The following NXN variants were observed in gnomAD, a reference collection of about 807,000 sequenced individuals.
The protein encoded by NXN is nucleoredoxin, also known as nucleoredoxin 1.
Under a neutral mutation model 48.6 loss-of-function variants are expected in NXN, and 16 were observed. The observed-to-expected ratio is 0.33, with a 90% CI of 0.22 to 0.50. The LOEUF is 0.50. NXN is among the 20% of genes least tolerant of loss of function. The pLI, the probability that NXN is intolerant of heterozygous loss-of-function variation, is 0.98. For missense variants in NXN, 492 were observed against 605.5 expected (o/e 0.81, Z 1.97); for synonymous variants, 281 against 269.6 (o/e 1.04, Z -0.41).
Position 844,405 on chromosome 17 carries a change from G to A in NXN, c.361-18327C>T, listed in dbSNP as rs553693288. On this transcript the variant is annotated intron_variant, in intron 1 of 7. Coordinates refer to ENST00000336868, the MANE Select transcript of NXN (RefSeq NM_022463.5). ...TGGAGACCAGGCCATCACACGTCCCGTCCTGCCCTCCTTAGCTGGAAGGTG... is the reference window on the plus strand; with the variant it reads ...TGGAGACCAGGCCATCACACGTCCCATCCTGCCCTCCTTAGCTGGAAGGTG... 6.6e-5 allele frequency among the ~76,000 whole-genome samples: 10 copies of A among 150,700 alleles called. No homozygotes were observed. In the South Asian group the frequency reaches 1.5e-3, roughly 22 times the overall value.
chr17:859,232 C>G (rs1414374518), intron 1 of NXN, among the ~76,000 whole-genome samples: 2 of 152,172 alleles, frequency 1.3e-5, no homozygotes, highest in Non-Finnish European at 2.9e-5. Context: ...GGCCCCCTCC[C>G]TGAGATGTGT....
intron 1 of NXN, among the ~76,000 whole-genome samples, chr17:867,809 G>A (rs567560766): frequency 2.0e-5 from 3 of 151,702 alleles, no homozygotes; most frequent in Non-Finnish European, 4.4e-5. Flanking sequence ...GGCTGTAATC[G>A]CAGCTACTCG....
chr17:871,023 T>C (rs2068147068), intron 1 of NXN, among the ~76,000 whole-genome samples: 1 of 151,944 alleles, frequency 6.6e-6, no homozygotes, highest in Non-Finnish European at 1.5e-5. Flanking sequence ...CACGCCCAGC[T>C]AAATTTTTTT....
chr17:863,677 G>C (rs940740151), intron 1 of NXN, among the ~76,000 whole-genome samples: 7 of 151,984 alleles, frequency 4.6e-5, no homozygotes, highest in African/African-American at 1.7e-4. Flanking sequence ...TGCCCACGCT[G>C]GTCTTGAACT....
At chr17:812,920 G>A (rs1308215682) in intron 5 of NXN, among the ~76,000 whole-genome samples, 1 of 151,148 alleles carries the variant, frequency 6.6e-6, no homozygotes, top group Middle Eastern at 3.4e-3. Context: ...GACTGTAGGT[G>A]TGTGCGTGTG....
chr17:882,785 C>G (rs1011322573), intron 1 of NXN, among the ~76,000 whole-genome samples: 1 of 139,616 alleles, frequency 7.2e-6, no homozygotes, highest in East Asian at 2.2e-4. Context: ...GTTTTTGAGA[C>G]GTTGTCTTGC....
intron 1 of NXN, chr17:959,304 C>T: frequency 3.1e-6 from 1 of 324,176 alleles, no homozygotes; most frequent in Non-Finnish European, 5.6e-6. Context: ...CATCACAGCT[C>T]TGTAGGCCCC....
chr17:886,500 G>A (rs2068349164), intron 1 of NXN, among the ~76,000 whole-genome samples: 1 of 152,184 alleles, frequency 6.6e-6, no homozygotes, highest in South Asian at 2.1e-4. Context: ...ACCGTTGGCC[G>A]GCGCGGTGGC....
At chr17:964,524 G>A (rs977758216) in intron 1 of NXN, among the ~76,000 whole-genome samples, 3 of 152,184 alleles carry the variant, frequency 2.0e-5, no homozygotes, top group Non-Finnish European at 2.9e-5. Context: ...TTAAAGCAAC[G>A]CATCCAAGGG....
rs1216230774 is a variant in NXN, at chr17:825,668, C to T, written c.478+293G>A. 6 of 312,190 alleles carry T rather than the reference C, an allele frequency of 1.9e-5. No individual in the cohort carries two copies. Among genetic ancestry groups the T allele is most frequent in the East Asian group, 1.4e-4 (2 of 14,724 alleles). The allele number at this position is 312,190 out of a possible 1,614,324, so 19.3% of individuals were successfully genotyped here. ...ACTAGAGGCCGGGGTCTGAGCTCTC[C>T]GCTTTCCCACAGCCTCTGCGGCCCT... On this transcript the variant is annotated intron_variant, in intron 2 of 7. Coordinates refer to ENST00000336868, the MANE Select transcript of NXN (RefSeq NM_022463.5). This position sits in a 1 kb window ranked among gnomAD's most constrained non-coding sequence, Gnocchi z 4.1.
chr17:865,709 C>G (rs534475158), intron 1 of NXN, among the ~76,000 whole-genome samples: 1 of 151,754 alleles, frequency 6.6e-6, no homozygotes, highest in Non-Finnish European at 1.5e-5. Flanking sequence ...TGTTGCTGGG[C>G]GCAGTGGCTC....
At chr17:896,855 C>CCGGGGGGGGGGGG in intron 1 of NXN, 1 of 1,102,006 alleles carries the variant, frequency 9.1e-7, no homozygotes, top group Non-Finnish European at 1.2e-6. Flanking sequence ...GCGGTCCTGA[C>CCGGGGGGGGGGGG]CACCCGCCCC....
At position 810,117 on chromosome 17, in the gene NXN, CCG is replaced by C. The variant is rs772680362; in HGVS notation, c.821-4872_821-4871del. ...TGTGAGTGGCGTGCACGTTACGAGT[CCG>C]TGTGAGTGGCGTGCACGTTACGAGT... On this transcript the variant is annotated intron_variant, in intron 5 of 7. Transcript: ENST00000336868. 2.4e-3 allele frequency among the ~76,000 whole-genome samples: 184 copies of C among 77,142 alleles called. 3 individuals carry two copies. The highest frequency in any genetic ancestry group is 4.2e-3 in the East Asian group (10 of 2,388). 50.6% of individuals were successfully genotyped at this position (77,142 alleles called of 152,430 possible).
At chr17:895,628 C>T (rs562532836) in intron 1 of NXN, among the ~76,000 whole-genome samples, 2,165 of 139,796 alleles carry the variant, frequency 0.015, 20 homozygotes, top group African/African-American at 0.018. Context: ...CTGGCTAACA[C>T]GGTGAAACCC....
At position 956,353 on chromosome 17, in the gene NXN, C is replaced by T. The variant is rs1362827529; in HGVS notation, c.360+22966G>A. 6.6e-6 allele frequency among the ~76,000 whole-genome samples: 1 copy of T among 152,168 alleles called. No homozygotes were observed. The highest frequency in any genetic ancestry group is 1.9e-4 in the East Asian group (1 of 5,190). On this transcript the variant is annotated intron_variant, in intron 1 of 7. Transcript: ENST00000336868. This position sits in a 1 kb window ranked among gnomAD's most constrained non-coding sequence, Gnocchi z 4.1. ...AACCATCGGGTCTCGTGGAACAGAA[C>T]AGTGGTCACCGTCTTCTGGCCTTTT...
intron 5 of NXN, among the ~76,000 whole-genome samples, chr17:816,032 G>A (rs1912452242): frequency 6.6e-6 from 1 of 152,158 alleles, no homozygotes; most frequent in African/African-American, 2.4e-5. Context: ...ATGGAGAAAG[G>A]ATGGAAAATC....
chr17:825,995 C>T lies in NXN; in HGVS notation c.444G>A (p.Arg148=). Residue 148 remains arginine (R), a synonymous_variant, in exon 2 of 8, where the codon AGG becomes AGA. Transcript: ENST00000336868. The surrounding 1 kb of genome is among the most constrained non-coding windows in gnomAD (Gnocchi z 4.1). Reference sequence around the variant, plus strand: ...CATCTCGGATCACCAGCAGCCCGTTCCTGCACACAACCTTCCCAGTGGTGG... The same window carrying T: ...CATCTCGGATCACCAGCAGCCCGTTTCTGCACACAACCTTCCCAGTGGTGG... ...LDATTGKVVC[R]NGLLVIRDDP... is the part of the protein sequence containing the mutation. 1.2e-6 allele frequency: 2 copies of T among 1,613,778 alleles called. No homozygotes were observed. The highest frequency in any genetic ancestry group is 1.7e-6 in the Non-Finnish European group (2 of 1,179,790).
chr17:979,329 T>C lies in NXN; in HGVS notation c.350A>G (p.Lys117Arg). ...MPWLALPYKE[K>R]HRKLKLWNKY... ...GCCCGCGCCGCTCACCTTCCTGTGC[T>C]TCTCCTTGTAGGGCAGCGCCAGCCA... Residue 117 changes from lysine to arginine, a missense_variant, in exon 1 of 8, where the codon AAG becomes AGG. By Grantham distance (26) the Lys-to-Arg change is conservative. Transcript: ENST00000336868. 3 of 1,494,176 alleles carry C rather than the reference T, an allele frequency of 2.0e-6. No individual in the cohort carries two copies. Among genetic ancestry groups the C allele is most frequent in the South Asian group, 1.2e-5 (1 of 85,812 alleles). 92.6% of individuals were successfully genotyped at this position (1,494,176 alleles called of 1,614,324 possible). A position where few individuals can be genotyped will look rare whatever the true frequency, so the allele number is the denominator to read the frequency against.
At chr17:899,629 T>C (rs1244061820) in intron 1 of NXN, among the ~76,000 whole-genome samples, 1 of 152,176 alleles carries the variant, frequency 6.6e-6, no homozygotes, top group Non-Finnish European at 1.5e-5. Context: ...ATTCCGCACT[T>C]TCCTCCTTTC....
Sources: allele counts gnomAD v4.1 joint callset (sites outside exome capture counted in the v4.1 genomes callset), GRCh38; gene constraint gnomAD v4.1.1; non-coding constraint Gnocchi (gnomAD v3.1); transcripts MANE v1.5; gene names NCBI Gene and HGNC (gene_info 2026-07-23, HGNC 2026-07-21).